Variants in CCDC12 observed in about 807,000 individuals in gnomAD.
CCDC12 encodes the protein coiled-coil domain containing 12.
A neutral mutation model predicts 25.7 loss-of-function variants in CCDC12; 28 were observed. The observed-to-expected ratio is 1.09, with a 90% confidence interval of 0.81 to 1.50. The LOEUF (loss-of-function observed/expected upper bound fraction) is 1.50, where lower values mean the gene tolerates loss of function less well. Ranked by LOEUF, CCDC12 falls within the 40% of genes most tolerant of loss-of-function variation. The pLI is 0.00. For synonymous variants in CCDC12, 75 were observed against 87.7 expected, an observed-to-expected ratio of 0.86 and a Z score of 0.81; for missense variants, 198 against 210.0, an observed-to-expected ratio of 0.94 and a Z score of 0.35.
chr3:46,921,798 A>C lies in CCDC12; in HGVS notation c.*259T>G. The C allele has an allele frequency of 1.8e-6, 1 of 543,630 alleles. No individual in the cohort carries two copies. The highest frequency in any genetic ancestry group is 3.3e-6 in the Non-Finnish European group (1 of 303,318). 33.7% of individuals were successfully genotyped at this position (543,630 alleles called of 1,614,324 possible). Reference sequence around the variant, plus strand: ...TTTAGAAAGTTCAAAATATATACATATATACAGACATATGTACATCCACAT... The same window carrying C: ...TTTAGAAAGTTCAAAATATATACATCTATACAGACATATGTACATCCACAT... On this transcript the variant is annotated 3_prime_UTR_variant, in exon 7 of 7. Coordinates refer to ENST00000683445, the MANE Select transcript of CCDC12 (RefSeq NM_001277074.2).
At chr3:46,939,460 A>G (rs2107134679) in intron 2 of CCDC12, among the ~76,000 whole-genome samples, 1 of 152,198 alleles carries the variant, frequency 6.6e-6, no homozygotes, top group South Asian at 2.1e-4. Flanking sequence ...AACTAAGAAT[A>G]AACCAGAAGA....
At chr3:46,942,222 C>T (rs976711623) in intron 1 of CCDC12, among the ~76,000 whole-genome samples, 2 of 152,230 alleles carry the variant, frequency 1.3e-5, no homozygotes, top group African/African-American at 2.4e-5. Flanking sequence ...TGACGCAGGG[C>T]GTGTGTGCAC....
chr3:46,954,891 C>G (rs2034239453), intron 1 of CCDC12, among the ~76,000 whole-genome samples: 1 of 152,132 alleles, frequency 6.6e-6, no homozygotes. Context: ...CCACTGCACT[C>G]CAACCTGGGC....
At position 46,955,201 on chromosome 3, in the gene CCDC12, C is replaced by T. The variant is rs182019065; in HGVS notation, c.97-14136G>A. On this transcript the variant is annotated intron_variant, in intron 1 of 6. Coordinates refer to ENST00000683445, the MANE Select transcript of CCDC12 (RefSeq NM_001277074.2). ...TTAAATAAACTCTTGGACTTGTCCTCGTGGGCAAGTCTGTTTTTCCTGAGG... is the reference window on the plus strand; with the variant it reads ...TTAAATAAACTCTTGGACTTGTCCTTGTGGGCAAGTCTGTTTTTCCTGAGG... Among the ~76,000 whole-genome samples the T allele has an allele frequency of 3.9e-3, 284 of 72,270 alleles. 3 individuals carry two copies. The highest frequency in any genetic ancestry group is 0.029 in the Admixed American group (159 of 5,406). The allele number at this position is 72,270 out of a possible 152,430, so 47.4% of individuals were successfully genotyped here.
upstream of CCDC12, chr3:46,979,634 A>C (rs13062681): frequency 6.5e-6 from 2 of 305,364 alleles, no homozygotes; most frequent in African/African-American, 4.4e-5. Context: ...CGGTGACTGC[A>C]GCGAAGTGCA....
chr3:46,930,861 C>A (rs2033178596), intron 2 of CCDC12, among the ~76,000 whole-genome samples: 1 of 152,166 alleles, frequency 6.6e-6, no homozygotes, highest in South Asian at 2.1e-4. Flanking sequence ...TGCCTCTCTA[C>A]CCTCTCCACA....
upstream of CCDC12, chr3:46,976,892 T>TGCCCCGCCCC (rs1388707123): frequency 4.4e-5 from 55 of 1,257,496 alleles, no homozygotes; most frequent in South Asian, 2.7e-4. Context: ...CTCCCCGCCT[T>TGCCCCGCCCC]GCCCCGCCCC....
chr3:46,951,192 T>TA (rs1231914948), intron 1 of CCDC12, among the ~76,000 whole-genome samples: 6 of 151,454 alleles, frequency 4.0e-5, no homozygotes, highest in African/African-American at 1.5e-4. Context: ...AAACAGAGAC[T>TA]AGATGGGTGG....
Position 46,922,229 on chromosome 3 carries a change from C to T in CCDC12, c.418+7G>A. The stretch of plus-strand genomic sequence containing the variant: ...CAGGACCCCACCTTCCCAGGCACTG[C>T]ACTTACGGATCAGCTCGGCAATGGC... On this transcript the variant is annotated splice_region_variant and intron_variant, in intron 6 of 6. Transcript: ENST00000683445. The T allele has an allele frequency of 6.2e-7, 1 of 1,614,282 alleles. No homozygotes were observed. Among genetic ancestry groups the T allele is most frequent in the Admixed American group, 1.7e-5 (1 of 60,038 alleles).
intron 1 of CCDC12, among the ~76,000 whole-genome samples, chr3:46,948,380 G>A (rs1216482521): frequency 1.3e-5 from 2 of 152,232 alleles, no homozygotes; most frequent in Non-Finnish European, 2.9e-5. Context: ...TAGAGATAAG[G>A]ACTGGAGATA....
At position 46,928,726 on chromosome 3, in the gene CCDC12, G is replaced by GA. The variant is rs558940299; in HGVS notation, c.165-3192dup. 1.2e-3 allele frequency among the ~76,000 whole-genome samples: 179 copies of GA among 152,294 alleles called. 1 individual carries two copies. Among genetic ancestry groups the GA allele is most frequent in the African/African-American group, 4.1e-3 (169 of 41,550 alleles). On this transcript the variant is annotated intron_variant, in intron 2 of 6. Transcript: ENST00000683445. ...TTTTTCAGACAAAGAAAGGTTAGGA[G>GA]AATCAGTTATCAGTGAATCCGTTAT...
At chr3:46,976,602 C>G in intron 1 of CCDC12, 35 bp downstream of exon 1, 1 of 1,592,682 alleles carries the variant, frequency 6.3e-7, no homozygotes. Context: ...GAACGCTGGA[C>G]GCCTCAACTG....
chr3:46,931,920 C>T (rs1034407757), intron 2 of CCDC12, among the ~76,000 whole-genome samples: 2 of 152,226 alleles, frequency 1.3e-5, no homozygotes, highest in African/African-American at 4.8e-5. Flanking sequence ...ACACTCATGA[C>T]ACTCAGACAT....
At chr3:46,978,224 C>T (rs1194616720), upstream of CCDC12, among the ~76,000 whole-genome samples, 1 of 152,222 alleles carries the variant, frequency 6.6e-6, no homozygotes, top group Non-Finnish European at 1.5e-5. Context: ...AAGCCTTCTT[C>T]CCTGTAGTGG....
At chr3:46,948,178 G>A (rs2033977246) in intron 1 of CCDC12, among the ~76,000 whole-genome samples, 1 of 152,204 alleles carries the variant, frequency 6.6e-6, no homozygotes, top group Admixed American at 6.5e-5. Flanking sequence ...CAGATGATCT[G>A]TGCAGTGTAG....
In CCDC12 at chr3:46,970,522, T is replaced by C. The variant is rs997601; in HGVS notation, c.96+6115A>G. On this transcript the variant is annotated intron_variant, in intron 1 of 6. Coordinates refer to ENST00000683445, the MANE Select transcript of CCDC12 (RefSeq NM_001277074.2). ...AGAACACTATCACTGCACAAAGTTCTAGTGAGCAACACTGCTGCTCTAATC... is the reference window on the plus strand; with the variant it reads ...AGAACACTATCACTGCACAAAGTTCCAGTGAGCAACACTGCTGCTCTAATC... Among the ~76,000 whole-genome samples, 38 of 152,352 alleles carry C rather than the reference T, an allele frequency of 2.5e-4. No individual in the cohort carries two copies. In the Middle Eastern group the frequency reaches 0.01, roughly 41 times the overall value.
At chr3:46,981,343 G>A (rs2035319934), upstream of CCDC12, among the ~76,000 whole-genome samples, 1 of 152,216 alleles carries the variant, frequency 6.6e-6, no homozygotes, top group African/African-American at 2.4e-5. Context: ...TCGGGAGGCT[G>A]AGGCAGGAGA....
intron 1 of CCDC12, among the ~76,000 whole-genome samples, chr3:46,972,142 A>C (rs550256260): frequency 1.5e-4 from 23 of 152,210 alleles, no homozygotes; most frequent in Non-Finnish European, 3.2e-4. Flanking sequence ...AGATAAATTG[A>C]ACTTCATCAA....
chr3:46,922,652 T>A (rs1243533222), intron 5 of CCDC12: 1 of 381,140 alleles, frequency 2.6e-6, no homozygotes, highest in Non-Finnish European at 4.8e-6. Context: ...CTGTGGGCCC[T>A]GCTCCTCCTC....
Sources: gnomAD v4.1 joint callset for allele counts (sites outside exome capture counted in the v4.1 genomes callset) on GRCh38, gnomAD v4.1.1 for gene constraint, MANE v1.5 for transcripts, NCBI Gene and HGNC (gene_info 2026-07-23, HGNC 2026-07-21) for gene names.